Variants in KCNAB1 observed in about 807,000 individuals in gnomAD.
KCNAB1 encodes potassium voltage-gated channel subfamily A regulatory beta subunit 1.
A neutral mutation model predicts 64.6 loss-of-function variants in KCNAB1; 35 were observed. The observed-to-expected ratio is 0.54, with a 90% CI of 0.41 to 0.72. The LOEUF is 0.72. KCNAB1 is among the 30% of genes least tolerant of loss of function. The pLI is 0.00. For missense variants in KCNAB1, 401 were observed against 512.9 expected, an observed-to-expected ratio of 0.78 and a Z score of 2.11; for synonymous variants, 177 against 183.8, an observed-to-expected ratio of 0.96 and a Z score of 0.30.
At chr3:156,407,080 G>A (rs907440935) in intron 1 of KCNAB1, among the ~76,000 whole-genome samples, 4 of 152,154 alleles carry the variant, frequency 2.6e-5, no homozygotes, top group African/African-American at 7.2e-5. Flanking sequence ...AGCAGCTTTT[G>A]GATCTTTTCT....
chr3:156,383,152 A>C (rs1455534862), intron 1 of KCNAB1, among the ~76,000 whole-genome samples: 1 of 152,186 alleles, frequency 6.6e-6, no homozygotes. Flanking sequence ...AAGAGATTAG[A>C]TTGGGGATGG....
chr3:156,424,991 C>T (rs1715716438), intron 2 of KCNAB1, among the ~76,000 whole-genome samples: 1 of 152,222 alleles, frequency 6.6e-6, no homozygotes. Context: ...AATAAGCACT[C>T]TTTCAGAACT....
At chr3:156,314,215 G>A (rs1372627312) in intron 1 of KCNAB1, among the ~76,000 whole-genome samples, 1 of 152,234 alleles carries the variant, frequency 6.6e-6, no homozygotes, top group Non-Finnish European at 1.5e-5. Context: ...GGCAGAGTTG[G>A]AGGTGAGAGT....
In KCNAB1 at chr3:156,537,723, T is replaced by G. The variant is rs574264183; in HGVS notation, c.*976T>G. 9.5e-6 allele frequency: 1 copy of G among 105,340 alleles called. No homozygotes were observed. Among genetic ancestry groups the G allele is most frequent in the East Asian group, 2.8e-4 (1 of 3,558 alleles). The allele number at this position is 105,340 out of a possible 1,614,324, so 6.5% of individuals were successfully genotyped here. On this transcript the variant is annotated 3_prime_UTR_variant, in exon 14 of 14. Transcript: ENST00000490337. ...TGAGCTTTACAAATAAACATACACA[T>G]GCTCAGTTTTTTAAGTAAACCTGTA...
intron 7 of KCNAB1, among the ~76,000 whole-genome samples, chr3:156,468,564 T>C (rs1559900537): frequency 6.6e-6 from 1 of 152,176 alleles, no homozygotes; most frequent in Non-Finnish European, 1.5e-5. Flanking sequence ...CTAGCCTCTG[T>C]CTCCTTAACT....
intron 1 of KCNAB1, among the ~76,000 whole-genome samples, chr3:156,416,569 T>C (rs1715094400): frequency 6.6e-6 from 1 of 152,174 alleles, no homozygotes; most frequent in African/African-American, 2.4e-5. Context: ...CCCAATTTTG[T>C]ATTTAGGGCC....
intron 1 of KCNAB1, among the ~76,000 whole-genome samples, chr3:156,138,246 C>G (rs1445532082): frequency 6.6e-6 from 1 of 152,204 alleles, no homozygotes; most frequent in East Asian, 1.9e-4. Context: ...AGATGTCTCA[C>G]AGCATCACCT....
chr3:156,411,764 A>G (rs1714681445), intron 1 of KCNAB1, among the ~76,000 whole-genome samples: 1 of 152,176 alleles, frequency 6.6e-6, no homozygotes, highest in Non-Finnish European at 1.5e-5. Context: ...AACATACACA[A>G]CACTGCCTTT....
rs537738464 is a variant in KCNAB1, at chr3:156,355,568, A to G, written c.276-66048A>G. ...TCATAGTGGGTTTTTTTTTAAGTACAAAGACAAAATAAAGCCAAATCATAC... is the reference window on the plus strand; with the variant it reads ...TCATAGTGGGTTTTTTTTTAAGTACGAAGACAAAATAAAGCCAAATCATAC... On this transcript the variant is annotated intron_variant, in intron 1 of 13. Transcript: ENST00000490337. Among the ~76,000 whole-genome samples, 4 of 152,314 alleles carry G rather than the reference A, an allele frequency of 2.6e-5. No individual in the cohort carries two copies. The South Asian group carries it at 8.3e-4, about 32-fold the overall frequency.
intron 1 of KCNAB1, among the ~76,000 whole-genome samples, chr3:156,290,799 G>GGTA (rs1250862683): frequency 6.6e-6 from 1 of 152,124 alleles, no homozygotes; most frequent in Non-Finnish European, 1.5e-5. Flanking sequence ...TCCCTCCTCT[G>GGTA]GTAGCCAGAA....
chr3:156,514,962 T>G (rs3817367), intron 9 of KCNAB1, 138 bp from the exon 10 acceptor site: 67,505 of 741,018 alleles, frequency 0.091, 3,424 homozygotes, highest in Non-Finnish European at 0.1. Flanking sequence ...GGTGACAAAT[T>G]TGCTTATTAT....
chr3:156,250,558 G>C (rs536806768), intron 1 of KCNAB1, among the ~76,000 whole-genome samples: 1 of 152,092 alleles, frequency 6.6e-6, no homozygotes. Flanking sequence ...GTAGCATCTG[G>C]GTTACGGCTT....
intron 1 of KCNAB1, among the ~76,000 whole-genome samples, chr3:156,287,892 G>T (rs1462013948): frequency 6.6e-6 from 1 of 152,034 alleles, no homozygotes; most frequent in Non-Finnish European, 1.5e-5. Context: ...ACTTTTAGAG[G>T]CACCTTCTTC....
intron 8 of KCNAB1, among the ~76,000 whole-genome samples, chr3:156,487,158 A>G (rs1160511491): frequency 2.0e-5 from 3 of 152,170 alleles, no homozygotes; most frequent in African/African-American, 7.2e-5. Context: ...ATTAAGTCCA[A>G]TATAACTGGA....
At chr3:156,277,343 T>C (rs1431313371) in intron 1 of KCNAB1, among the ~76,000 whole-genome samples, 2 of 152,154 alleles carry the variant, frequency 1.3e-5, no homozygotes, top group Non-Finnish European at 2.9e-5. Flanking sequence ...TACCAAAATA[T>C]GACACAGAGA....
At chr3:156,189,050 C>T (rs1432422324) in intron 1 of KCNAB1, among the ~76,000 whole-genome samples, 1 of 152,130 alleles carries the variant, frequency 6.6e-6, no homozygotes, top group Non-Finnish European at 1.5e-5. Flanking sequence ...ACCACAAGCC[C>T]GAGGATGCCC....
chr3:156,347,668 C>T (rs919182057), intron 1 of KCNAB1, among the ~76,000 whole-genome samples: 1 of 152,210 alleles, frequency 6.6e-6, no homozygotes, highest in Non-Finnish European at 1.5e-5. Flanking sequence ...GTTTGATAGA[C>T]TCACATTTCA....
chr3:156,391,379 C>G (rs1383461413), intron 1 of KCNAB1, among the ~76,000 whole-genome samples: 1 of 152,154 alleles, frequency 6.6e-6, no homozygotes, highest in African/African-American at 2.4e-5. Flanking sequence ...ATTTGCCCCA[C>G]TGGCCCATTG....
At chr3:156,181,020 C>A (rs552909958) in intron 1 of KCNAB1, among the ~76,000 whole-genome samples, 1 of 152,282 alleles carries the variant, frequency 6.6e-6, no homozygotes, top group African/African-American at 2.4e-5. Flanking sequence ...AGAGAGCTGC[C>A]TTCTGGTTGT....
Sources: gnomAD v4.1 joint callset for allele counts (sites outside exome capture counted in the v4.1 genomes callset) on GRCh38, gnomAD v4.1.1 for gene constraint, MANE v1.5 for transcripts, NCBI Gene and HGNC (gene_info 2026-07-23, HGNC 2026-07-21) for gene names.